Variants in RGS6 observed in about 807,000 individuals in gnomAD.
RGS6 encodes the protein regulator of G-protein signaling 6.
Under a neutral mutation model 78.5 loss-of-function variants are expected in RGS6, and 30 were observed. The ratio of observed to expected loss-of-function variants is 0.38; its 90% confidence interval spans 0.29 to 0.52. The LOEUF is 0.52. Ranked by LOEUF, RGS6 falls within the 20% of genes least tolerant of loss-of-function variation. The probability of loss-of-function intolerance (pLI) is 0.85; values close to 1 mark genes in which losing one functional copy is unlikely to be tolerated. For synonymous variants in RGS6, 206 were observed against 206.0 expected (o/e 1.00, Z 0.00); for missense variants, 495 against 609.7 (o/e 0.81, Z 1.98).
chr14:71,962,521 AG>A (rs1317629321), intron 1 of RGS6, among the ~76,000 whole-genome samples: 1 of 152,210 alleles, frequency 6.6e-6, no homozygotes, highest in Non-Finnish European at 1.5e-5. Flanking sequence ...ATTAAGGCAA[AG>A]GAGTAGGCAA....
At chr14:72,412,304 A>G (rs1034623819) in intron 3 of RGS6, among the ~76,000 whole-genome samples, 4 of 152,176 alleles carry the variant, frequency 2.6e-5, no homozygotes, top group South Asian at 2.1e-4. Flanking sequence ...GGGAGGGTGT[A>G]TGTGTCCAGG....
At chr14:71,959,858 C>T (rs147764219) in intron 1 of RGS6, among the ~76,000 whole-genome samples, 2 of 152,124 alleles carry the variant, frequency 1.3e-5, no homozygotes, top group East Asian at 1.9e-4. Flanking sequence ...AGCAACCCTG[C>T]GTGATGGAGG....
chr14:72,535,121 C>T (rs979689889), intron 15 of RGS6, among the ~76,000 whole-genome samples: 41 of 152,214 alleles, frequency 2.7e-4, no homozygotes, highest in Admixed American at 2.6e-3. Context: ...GATTTTCCAA[C>T]CCTTGATGAG....
chr14:72,398,351 A>G (rs1286497358), intron 3 of RGS6, among the ~76,000 whole-genome samples: 1 of 152,174 alleles, frequency 6.6e-6, no homozygotes, highest in Non-Finnish European at 1.5e-5. Flanking sequence ...AGGTGTTTAT[A>G]GTATTCTCTG....
intron 3 of RGS6, among the ~76,000 whole-genome samples, chr14:72,377,690 T>A (rs1566668520): frequency 1.3e-5 from 2 of 152,124 alleles, no homozygotes; most frequent in Non-Finnish European, 2.9e-5. Flanking sequence ...AAATCAAAAT[T>A]ATGGCCAGGC....
chr14:72,149,359 G>T (rs182083802), intron 2 of RGS6, among the ~76,000 whole-genome samples: 1 of 152,180 alleles, frequency 6.6e-6, no homozygotes, highest in African/African-American at 2.4e-5. Context: ...CTCTTCAATG[G>T]GGGGAGTGTT....
intron 2 of RGS6, among the ~76,000 whole-genome samples, chr14:72,350,297 T>C (rs2681751): frequency 0.53 from 80,423 of 151,952 alleles, 23,744 homozygotes; most frequent in African/African-American, 0.81. Context: ...GCAGAATGGC[T>C]CAGGGGTTAG....
rs1032727707 is a variant in RGS6 at position 72,430,346 on chromosome 14, C to G, written c.185-24182C>G. Among the ~76,000 whole-genome samples, 9 of 152,352 alleles carry G rather than the reference C, an allele frequency of 5.9e-5. No homozygotes were observed. The South Asian group carries it at 1.0e-3, about 18-fold the overall frequency. ...ATTATTTAACTTGCCTCTTTCTTCA[C>G]CTCACTTCCAGTTTCTCCCCGATTC... On this transcript the variant is annotated intron_variant, in intron 3 of 17. Transcript: ENST00000553525.
At chr14:72,081,125 T>A (rs1264760902) in intron 2 of RGS6, among the ~76,000 whole-genome samples, 1 of 152,164 alleles carries the variant, frequency 6.6e-6, no homozygotes, top group East Asian at 1.9e-4. Flanking sequence ...TTTACCAATG[T>A]TAATTATTCC....
At chr14:72,150,684 C>A (rs1001775010) in intron 2 of RGS6, among the ~76,000 whole-genome samples, 12 of 151,994 alleles carry the variant, frequency 7.9e-5, no homozygotes, top group African/African-American at 2.4e-4. Context: ...TACTTCTAAA[C>A]AACCAGATCT....
intron 1 of RGS6, among the ~76,000 whole-genome samples, chr14:71,956,836 A>G (rs1011276022): frequency 2.0e-5 from 3 of 152,166 alleles, no homozygotes; most frequent in African/African-American, 7.2e-5. Flanking sequence ...TGTGCAAGGG[A>G]GTGATTATGA....
intron 2 of RGS6, among the ~76,000 whole-genome samples, chr14:72,168,071 C>G (rs2096953828): frequency 6.6e-6 from 1 of 152,202 alleles, no homozygotes; most frequent in African/African-American, 2.4e-5. Flanking sequence ...ACCTAATACT[C>G]TATGGCTAAA....
At chr14:71,886,446 C>G in the RGS6 span, among the ~76,000 whole-genome samples, 2 of 152,194 alleles carry the variant, frequency 1.3e-5, no homozygotes, top group African/African-American at 4.8e-5. Context: ...GAGTTGTGTT[C>G]TAATCATGGA....
At chr14:72,240,106 C>G (rs1009070831) in intron 2 of RGS6, among the ~76,000 whole-genome samples, 4 of 152,142 alleles carry the variant, frequency 2.6e-5, no homozygotes, top group African/African-American at 9.7e-5. Flanking sequence ...TGGGGAGGTA[C>G]TAGAGTCCAT....
intron 3 of RGS6, among the ~76,000 whole-genome samples, chr14:72,416,334 A>G (rs932782714): frequency 1.3e-5 from 2 of 152,166 alleles, no homozygotes; most frequent in East Asian, 1.9e-4. Flanking sequence ...ACAAAAGTTA[A>G]TAAAGATGGG....
intron 2 of RGS6, among the ~76,000 whole-genome samples, chr14:72,219,395 C>T (rs1361048777): frequency 1.1e-4 from 17 of 152,098 alleles, no homozygotes; most frequent in Admixed American, 1.1e-3. Flanking sequence ...GTTGATTATT[C>T]TTCGTCTTCA....
At chr14:72,268,586 T>C (rs2059433374) in intron 2 of RGS6, among the ~76,000 whole-genome samples, 1 of 152,234 alleles carries the variant, frequency 6.6e-6, no homozygotes, top group Non-Finnish European at 1.5e-5. Context: ...ATGTGACTTT[T>C]CAGTCATTTT....
intron 17 of RGS6, among the ~76,000 whole-genome samples, chr14:72,545,909 CTG>C (rs3831612): frequency 0.24 from 35,660 of 151,668 alleles, 5,242 homozygotes; most frequent in African/African-American, 0.42. Flanking sequence ...GGATGCCCAG[CTG>C]TGTGTGTGTG....
At chr14:71,996,306 TAATC>T (rs1036763616) in intron 2 of RGS6, among the ~76,000 whole-genome samples, 8 of 152,168 alleles carry the variant, frequency 5.3e-5, no homozygotes, top group Admixed American at 3.3e-4. Context: ...GAATTTTTAT[TAATC>T]AATAGAGATT....
Sources: gnomAD v4.1 joint callset for allele counts (sites outside exome capture counted in the v4.1 genomes callset) on GRCh38, gnomAD v4.1.1 for gene constraint, MANE v1.5 for transcripts, NCBI Gene and HGNC (gene_info 2026-07-23, HGNC 2026-07-21) for gene names.